Variants in ARHGAP15 observed in about 807,000 individuals in gnomAD.
The protein encoded by ARHGAP15 is Rho GTPase activating protein 15, also known as rho GTPase-activating protein 15.
Under a neutral mutation model 63.7 loss-of-function variants are expected in ARHGAP15, and 51 were observed. The observed-to-expected ratio is 0.80, with a 90% CI of 0.64 to 1.01. ARHGAP15 has a LOEUF of 1.01. Ranked by LOEUF, ARHGAP15 falls within the 50% of genes least tolerant of loss-of-function variation. The pLI is 0.00. For synonymous variants in ARHGAP15, 191 were observed against 193.8 expected, an observed-to-expected ratio of 0.99 and a Z score of 0.12; for missense variants, 560 against 564.6, an observed-to-expected ratio of 0.99 and a Z score of 0.08.
At chr2:143,362,962 C>A (rs1056020473) in intron 6 of ARHGAP15, among the ~76,000 whole-genome samples, 3 of 152,274 alleles carry the variant, frequency 2.0e-5, no homozygotes, top group Non-Finnish European at 4.4e-5. Flanking sequence ...CCTATCCTAC[C>A]TTTTTCAAGA....
intron 8 of ARHGAP15, among the ~76,000 whole-genome samples, chr2:143,486,655 C>T (rs989011682): frequency 2.6e-5 from 4 of 152,176 alleles, no homozygotes; most frequent in South Asian, 2.1e-4. Flanking sequence ...TATATTCATC[C>T]CCGAATTCAC....
At chr2:143,270,804 A>C (rs1017872715) in intron 6 of ARHGAP15, among the ~76,000 whole-genome samples, 1 of 152,214 alleles carries the variant, frequency 6.6e-6, no homozygotes, top group South Asian at 2.1e-4. Context: ...GTATGGAAAC[A>C]ACCTGATTTT....
At chr2:143,748,010 G>A (rs1477404075) in intron 13 of ARHGAP15, among the ~76,000 whole-genome samples, 1 of 152,074 alleles carries the variant, frequency 6.6e-6, no homozygotes, top group Non-Finnish European at 1.5e-5. Context: ...TCACCTTCTT[G>A]CTTCTGTTCT....
intron 2 of ARHGAP15, among the ~76,000 whole-genome samples, chr2:143,156,062 G>A (rs867521320): frequency 4.7e-5 from 7 of 149,112 alleles, no homozygotes; most frequent in African/African-American, 1.3e-4. Flanking sequence ...AAAAAAAAAT[G>A]TGAAAATCTC....
chr2:143,736,785 G>T lies in ARHGAP15; in HGVS notation c.1245-31204G>T, dbSNP rs1322886432. ...CAGGAAATGATAGCTGGAAGCTATT[G>T]TCATATGAAATAGAATGAAGGACTA... On this transcript the variant is annotated intron_variant, in intron 13 of 13. Coordinates refer to ENST00000295095, the MANE Select transcript of ARHGAP15 (RefSeq NM_018460.4). 2.0e-5 allele frequency among the ~76,000 whole-genome samples: 3 copies of T among 152,150 alleles called. No homozygotes were observed. In the East Asian group the frequency reaches 5.8e-4, roughly 29 times the overall value.
intron 6 of ARHGAP15, among the ~76,000 whole-genome samples, chr2:143,364,156 G>C (rs896927941): frequency 6.6e-6 from 1 of 150,552 alleles, no homozygotes; most frequent in African/African-American, 2.4e-5. Flanking sequence ...ATCGCAATAA[G>C]CCAAAAATCA....
chr2:143,763,286 TTAAC>T (rs1686829320), intron 13 of ARHGAP15, among the ~76,000 whole-genome samples: 1 of 152,180 alleles, frequency 6.6e-6, no homozygotes, highest in Non-Finnish European at 1.5e-5. Context: ...AATCAACCAC[TTAAC>T]TATTTAGGAG....
In ARHGAP15 at chr2:143,228,565, AT is replaced by A. The variant is rs760201733; in HGVS notation, c.297-9del. ...ACTGATAATGCTTTCTTTCCCTTTT[AT>A]TTTTTTGTCCTAAGGAAAAACTGGT... is the stretch of plus-strand genomic sequence containing the variant. On this transcript the variant is annotated splice_polypyrimidine_tract_variant and intron_variant, in intron 4 of 13. Coordinates refer to ENST00000295095, the MANE Select transcript of ARHGAP15 (RefSeq NM_018460.4). The A allele has an allele frequency of 4.5e-5, 71 of 1,563,040 alleles. No homozygotes were observed. Among genetic ancestry groups the A allele is most frequent in the South Asian group, 4.6e-5 (4 of 87,320 alleles).
chr2:143,482,920 T>C (rs1373907667), intron 8 of ARHGAP15, among the ~76,000 whole-genome samples: 1 of 152,244 alleles, frequency 6.6e-6, no homozygotes, highest in Non-Finnish European at 1.5e-5. Context: ...ACAGGCCTTG[T>C]AATTTGACTT....
Position 143,386,418 on chromosome 2 carries a change from A to G in ARHGAP15, c.475-49183A>G, listed in dbSNP as rs374585458. 5.3e-5 allele frequency among the ~76,000 whole-genome samples: 8 copies of G among 152,292 alleles called. 1 individual carries two copies. The South Asian group carries it at 1.7e-3, about 32-fold the overall frequency. Reference sequence around the variant, plus strand: ...ATTTTTGCAAATGCCAGTGGGGGGAAAAAACGAGAAAGCACAACTTGTCTT... The same window carrying G: ...ATTTTTGCAAATGCCAGTGGGGGGAGAAAACGAGAAAGCACAACTTGTCTT... On this transcript the variant is annotated intron_variant, in intron 6 of 13. Coordinates refer to ENST00000295095, the MANE Select transcript of ARHGAP15 (RefSeq NM_018460.4).
intron 13 of ARHGAP15, among the ~76,000 whole-genome samples, chr2:143,744,882 C>T (rs926901717): frequency 3.3e-5 from 5 of 152,144 alleles, no homozygotes; most frequent in South Asian, 2.1e-4. Flanking sequence ...TTTAAAAATA[C>T]GTACTATGAA....
At chr2:143,395,476 T>C (rs916593178) in intron 6 of ARHGAP15, among the ~76,000 whole-genome samples, 2 of 152,152 alleles carry the variant, frequency 1.3e-5, no homozygotes, top group African/African-American at 4.8e-5. Context: ...AGAGAGCTGT[T>C]CAAGAAGAGT....
chr2:143,584,865 G>T (rs1697050149), intron 11 of ARHGAP15, among the ~76,000 whole-genome samples: 1 of 152,098 alleles, frequency 6.6e-6, no homozygotes, highest in Non-Finnish European at 1.5e-5. Flanking sequence ...ATAAAGTATG[G>T]TCACATCAGA....
At chr2:143,353,104 TA>T (rs997186688) in intron 6 of ARHGAP15, among the ~76,000 whole-genome samples, 66 of 152,064 alleles carry the variant, frequency 4.3e-4, no homozygotes, top group African/African-American at 1.4e-3. Flanking sequence ...TAATACATTT[TA>T]AAAAAAATTA....
chr2:143,738,362 C>T (rs1263797426), intron 13 of ARHGAP15, among the ~76,000 whole-genome samples: 6 of 152,040 alleles, frequency 3.9e-5, no homozygotes, highest in Non-Finnish European at 1.5e-5. Flanking sequence ...AGCGTTCTTA[C>T]GAATAAAGGC....
intron 6 of ARHGAP15, among the ~76,000 whole-genome samples, chr2:143,361,115 A>G (rs1686033207): frequency 6.6e-6 from 1 of 152,176 alleles, no homozygotes; most frequent in Admixed American, 6.5e-5. Context: ...GAGAGAAGCT[A>G]TATCTATAGA....
intron 2 of ARHGAP15, among the ~76,000 whole-genome samples, chr2:143,161,628 C>T (rs1574029970): frequency 1.3e-5 from 2 of 151,756 alleles, no homozygotes; most frequent in Admixed American, 1.3e-4. Context: ...GTGCTGTCAG[C>T]GAGAATGCCT....
chr2:143,143,319 G>A (rs1041777197), intron 1 of ARHGAP15, among the ~76,000 whole-genome samples: 1 of 151,890 alleles, frequency 6.6e-6, no homozygotes, highest in Non-Finnish European at 1.5e-5. Flanking sequence ...GAAAGAAGAG[G>A]ATACATTTTA....
chr2:143,315,441 C>T (rs1310491332), intron 6 of ARHGAP15, among the ~76,000 whole-genome samples: 1 of 152,102 alleles, frequency 6.6e-6, no homozygotes, highest in African/African-American at 2.4e-5. Context: ...CTTTGATATA[C>T]ATGTGGCTCC....
Sources: allele counts gnomAD v4.1 joint callset (sites outside exome capture counted in the v4.1 genomes callset), GRCh38; gene constraint gnomAD v4.1.1; transcripts MANE v1.5; gene names NCBI Gene and HGNC (gene_info 2026-07-23, HGNC 2026-07-21).